The following DCX variants were observed in gnomAD, a reference collection of about 807,000 sequenced individuals.
DCX encodes the protein doublecortin, also known as neuronal migration protein doublecortin.
Under a neutral mutation model 20.9 loss-of-function variants are expected in DCX, and 4 were observed. The observed-to-expected ratio is 0.19, with a 90% CI of 0.09 to 0.44. DCX has a LOEUF of 0.44. Ranked by LOEUF, DCX falls within the 20% of genes least tolerant of loss-of-function variation. The probability of loss-of-function intolerance (pLI) is 0.99; values close to 1 mark genes in which losing one functional copy is unlikely to be tolerated. For synonymous variants in DCX, 103 were observed against 111.4 expected (o/e 0.92, Z 0.47); for missense variants, 133 against 296.9 (o/e 0.45, Z 4.06).
At chrX:111,334,792 G>T (rs1921569636) in intron 3 of DCX, among the ~76,000 whole-genome samples, 1 of 112,104 alleles carries the variant, frequency 8.9e-6, no homozygotes, top group Non-Finnish European at 1.9e-5. Context: ...GTCTGATGAG[G>T]TGAGATACAT....
At chrX:111,353,398 C>G (rs1923480877) in intron 3 of DCX, among the ~76,000 whole-genome samples, 1 of 111,534 alleles carries the variant, frequency 9.0e-6, no homozygotes, top group Admixed American at 9.5e-5. Flanking sequence ...ATCATTAGTG[C>G]TATATGAATA....
At chrX:111,324,440 C>G (rs772178291) in intron 5 of DCX, among the ~76,000 whole-genome samples, 1 of 111,640 alleles carries the variant, frequency 9.0e-6, no homozygotes, top group African/African-American at 3.3e-5. Context: ...AAGTTATTAC[C>G]ATTAACATGG....
At chrX:111,392,722 T>C (rs1927044245) in intron 3 of DCX, among the ~76,000 whole-genome samples, 1 of 111,959 alleles carries the variant, frequency 8.9e-6, no homozygotes, top group Admixed American at 9.4e-5. Flanking sequence ...CACATATCTG[T>C]GAGCATATTA....
At chrX:111,364,813 T>A (rs1156643418) in intron 3 of DCX, among the ~76,000 whole-genome samples, 1 of 111,786 alleles carries the variant, frequency 8.9e-6, no homozygotes, top group Non-Finnish European at 1.9e-5. Context: ...GTGGTTACCC[T>A]TGGGAAGTGG....
At chrX:111,409,333 C>T (rs1450588482) in intron 2 of DCX, among the ~76,000 whole-genome samples, 1 of 111,238 alleles carries the variant, frequency 9.0e-6, no homozygotes, top group Non-Finnish European at 1.9e-5. Context: ...GCAATCTACT[C>T]AGAAAATTTA....
intron 3 of DCX, among the ~76,000 whole-genome samples, chrX:111,341,412 A>G (rs1241641843): frequency 9.0e-6 from 1 of 111,347 alleles, no homozygotes; most frequent in East Asian, 2.8e-4. Flanking sequence ...CAGTACATAA[A>G]GGAGACAGGG....
At chrX:111,310,506 A>G (rs1042785592) in intron 6 of DCX, among the ~76,000 whole-genome samples, 1 of 111,562 alleles carries the variant, frequency 9.0e-6, no homozygotes, top group Non-Finnish European at 1.9e-5. Flanking sequence ...GTAAAGAGAT[A>G]CATAAGTTGT....
intron 3 of DCX, among the ~76,000 whole-genome samples, chrX:111,379,357 G>C (rs762720814): frequency 1.8e-5 from 2 of 111,326 alleles, no homozygotes; most frequent in Non-Finnish European, 3.8e-5. Context: ...GTGCCCATTA[G>C]CTGTAAATCC....
intron 3 of DCX, among the ~76,000 whole-genome samples, chrX:111,373,918 T>C (rs979813802): frequency 1.8e-5 from 2 of 111,886 alleles, no homozygotes; most frequent in Non-Finnish European, 3.8e-5. Context: ...TAGAAACTTA[T>C]TTAGAGTCAC....
intron 3 of DCX, among the ~76,000 whole-genome samples, chrX:111,377,325 A>C (rs750685879): frequency 2.1e-4 from 24 of 111,854 alleles, no homozygotes; most frequent in East Asian, 8.5e-4. Flanking sequence ...ACACTGATAG[A>C]CCTGACCTTC....
At chrX:111,409,934 A>T (rs1296220559) in intron 2 of DCX, 101 bp downstream of exon 2, 13 of 1,120,568 alleles carry the variant, frequency 1.2e-5, no homozygotes, top group Non-Finnish European at 1.5e-5. Flanking sequence ...CGGTGTTTTG[A>T]AAAATACATT....
chrX:111,350,953 C>A (rs1194562229), intron 3 of DCX, among the ~76,000 whole-genome samples: 1 of 111,857 alleles, frequency 8.9e-6, no homozygotes, highest in Non-Finnish European at 1.9e-5. Context: ...GGGGTTTCCC[C>A]CTTATAAAAC....
chrX:111,359,823 C>T (rs1180156508), intron 3 of DCX, among the ~76,000 whole-genome samples: 1 of 111,619 alleles, frequency 9.0e-6, no homozygotes, highest in Non-Finnish European at 1.9e-5. Context: ...GTTTACCCAC[C>T]AGACTAGTAC....
chrX:111,372,240 CT>C lies in DCX; in HGVS notation c.705+28749del, dbSNP rs200939972. Among the ~76,000 whole-genome samples, 248 of 111,755 alleles carry C rather than the reference CT, an allele frequency of 2.2e-3. 2 individuals are homozygous for C. The highest frequency in any genetic ancestry group is 7.6e-3 in the African/African-American group (235 of 30,839). On this transcript the variant is annotated intron_variant, in intron 3 of 6. Transcript: ENST00000636035. The stretch of plus-strand genomic sequence containing the variant: ...GTGGAATAAAGAACTGGGGGAAGCG[CT>C]TTTTTTTCCCCATTAACACATTCAG...
chrX:111,345,312 C>T (rs745604859), intron 3 of DCX, among the ~76,000 whole-genome samples: 1 of 111,959 alleles, frequency 8.9e-6, no homozygotes, highest in East Asian at 2.8e-4. Flanking sequence ...CTAGGCAATA[C>T]CATTCAGGAC....
chrX:111,372,728 G>A (rs1192056321), intron 3 of DCX, among the ~76,000 whole-genome samples: 2 of 111,665 alleles, frequency 1.8e-5, no homozygotes, highest in Admixed American at 9.6e-5. Context: ...AGGAAGCATG[G>A]TGACAGCTGA....
chrX:111,394,559 T>C (rs995194952), intron 3 of DCX, among the ~76,000 whole-genome samples: 3 of 111,909 alleles, frequency 2.7e-5, no homozygotes, highest in Admixed American at 9.5e-5. Context: ...TCTCCCACTT[T>C]GAGGGAATGA....
At chrX:111,389,600 C>T (rs1926781305) in intron 3 of DCX, among the ~76,000 whole-genome samples, 1 of 111,731 alleles carries the variant, frequency 9.0e-6, no homozygotes, top group Non-Finnish European at 1.9e-5. Context: ...CGCTTGTAGT[C>T]CCAGCTACTC....
At chrX:111,340,541 G>A (rs1012361885) in intron 3 of DCX, among the ~76,000 whole-genome samples, 1 of 111,437 alleles carries the variant, frequency 9.0e-6, no homozygotes, top group Non-Finnish European at 1.9e-5. Flanking sequence ...CATTAAATGG[G>A]TCCTGTTCCC....
Sources: gnomAD v4.1 joint callset for allele counts (sites outside exome capture counted in the v4.1 genomes callset) on GRCh38, gnomAD v4.1.1 for gene constraint, MANE v1.5 for transcripts, NCBI Gene and HGNC (gene_info 2026-07-23, HGNC 2026-07-21) for gene names.